The following RNF130 variants were observed in gnomAD, a reference collection of about 807,000 sequenced individuals.
RNF130 encodes the protein ring finger protein 130.
In RNF130, 21 loss-of-function variants were observed where a neutral mutation model predicts 44.6. The observed-to-expected ratio is 0.47, with a 90% CI of 0.33 to 0.68. RNF130 has a LOEUF of 0.68. RNF130 is among the 30% of genes least tolerant of loss of function. The probability of loss-of-function intolerance (pLI) is 0.02; values close to 1 mark genes in which losing one functional copy is unlikely to be tolerated. For missense variants in RNF130, 479 were observed against 560.6 expected (o/e 0.85, Z 1.47); for synonymous variants, 214 against 210.4 (o/e 1.02, Z -0.15).
intron 3 of RNF130, among the ~76,000 whole-genome samples, chr5:179,998,412 T>C (rs1449648927): frequency 6.6e-6 from 1 of 152,224 alleles, no homozygotes; most frequent in African/African-American, 2.4e-5. Flanking sequence ...CTGATTTCTA[T>C]CTTTATTTCA....
chr5:179,978,336 T>C lies in RNF130; in HGVS notation c.766-51A>G, dbSNP rs754332102. The stretch of plus-strand genomic sequence containing the variant: ...AAGTCACACGCTGCAAGTATATAAA[T>C]GGTTGGGATGCAATTCAGCTCAGAA... On this transcript the variant is annotated intron_variant, in intron 4 of 8. Transcript: ENST00000521389. The C allele has an allele frequency of 9.2e-6, 11 of 1,199,882 alleles. 1 individual carries two copies. Among genetic ancestry groups the C allele is most frequent in the South Asian group, 7.3e-5 (6 of 82,150 alleles). The allele number at this position is 1,199,882 out of a possible 1,614,324, so 74.3% of individuals were successfully genotyped here.
chr5:179,934,728 G>C (rs1761864965), intron 7 of RNF130, among the ~76,000 whole-genome samples: 1 of 151,736 alleles, frequency 6.6e-6, no homozygotes, highest in Non-Finnish European at 1.5e-5. Flanking sequence ...TATTCTTGTA[G>C]AGATTTTTCT....
chr5:179,926,621 C>A (rs1437348964), intron 7 of RNF130, among the ~76,000 whole-genome samples: 1 of 152,110 alleles, frequency 6.6e-6, no homozygotes, highest in Non-Finnish European at 1.5e-5. Context: ...GCACTCCAGC[C>A]TGGGCGACAG....
chr5:179,972,274 T>C (rs10059710), intron 5 of RNF130, among the ~76,000 whole-genome samples: 2,659 of 152,202 alleles, frequency 0.017, 75 homozygotes, highest in African/African-American at 0.059. Context: ...TTAGATCTGA[T>C]AGAAGTTACA....
intron 5 of RNF130, among the ~76,000 whole-genome samples, chr5:179,971,470 C>T (rs1364009246): frequency 1.3e-5 from 2 of 152,202 alleles, no homozygotes; most frequent in Admixed American, 1.3e-4. Context: ...CCCGGGTTCA[C>T]ACCATTCTCC....
Position 179,922,374 on chromosome 5 carries a change from G to C in RNF130, c.1151-1948C>G, listed in dbSNP as rs867296580. Among the ~76,000 whole-genome samples, 21 of 151,822 alleles carry C rather than the reference G, an allele frequency of 1.4e-4. 1 individual carries two copies. The highest frequency in any genetic ancestry group is 1.5e-5 in the Non-Finnish European group (1 of 67,996). Reference sequence around the variant, plus strand: ...GTTGCCCAGGCTGGTGTGCAATGGCGCCATCTCGGCTCACTGCAACCTCCA... The same window carrying C: ...GTTGCCCAGGCTGGTGTGCAATGGCCCCATCTCGGCTCACTGCAACCTCCA... On this transcript the variant is annotated intron_variant, in intron 7 of 7. Coordinates refer to the RNF130 transcript ENST00000522208.
intron 5 of RNF130, among the ~76,000 whole-genome samples, chr5:179,971,206 C>T (rs923313678): frequency 6.6e-6 from 1 of 152,108 alleles, no homozygotes; most frequent in Admixed American, 6.5e-5. Context: ...TTGTGCCCTC[C>T]GGAAGAGCTG....
intron 3 of RNF130, among the ~76,000 whole-genome samples, chr5:180,004,901 C>T (rs377118290): frequency 3.3e-5 from 5 of 152,298 alleles, no homozygotes; most frequent in Admixed American, 2.0e-4. Flanking sequence ...AGTCTGCACC[C>T]TCCTTCATTC....
At chr5:179,944,747 A>G (rs1161747902) in intron 7 of RNF130, among the ~76,000 whole-genome samples, 1 of 148,836 alleles carries the variant, frequency 6.7e-6, no homozygotes, top group Non-Finnish European at 1.5e-5. Flanking sequence ...ATAAAGTGAG[A>G]CCCTGTCTCA....
At chr5:180,012,466 G>A (rs925353330) in intron 3 of RNF130, among the ~76,000 whole-genome samples, 6 of 152,000 alleles carry the variant, frequency 3.9e-5, no homozygotes, top group African/African-American at 9.7e-5. Context: ...CCCTCACACC[G>A]GGGAAGCACA....
intron 3 of RNF130, among the ~76,000 whole-genome samples, chr5:179,993,766 T>C (rs1763144487): frequency 1.3e-5 from 2 of 152,240 alleles, no homozygotes; most frequent in Non-Finnish European, 2.9e-5. Context: ...TTTGTGGCCA[T>C]TGCTTTTGGT....
In RNF130 at chr5:180,022,411, A is replaced by C. The variant is rs1763894570; in HGVS notation, c.443-9100T>G. The stretch of plus-strand genomic sequence containing the variant: ...GCTGAAATTCTAAATTATGCTTCAT[A>C]AGACCCTGTGTACAGAGCTTTCCTA... On this transcript the variant is annotated intron_variant, in intron 2 of 8. Transcript: ENST00000521389. Among the ~76,000 whole-genome samples the C allele has an allele frequency of 2.6e-5, 4 of 152,364 alleles. 1 individual carries two copies. The highest frequency in any genetic ancestry group is 9.6e-5 in the African/African-American group (4 of 41,592).
At chr5:179,952,848 TA>T (rs1582137072), downstream of RNF130, among the ~76,000 whole-genome samples, 1 of 151,768 alleles carries the variant, frequency 6.6e-6, no homozygotes, top group Non-Finnish European at 1.5e-5. Flanking sequence ...CTCAACTTGA[TA>T]AAGGTATCTA....
chr5:179,952,370 G>A (rs1205102078), downstream of RNF130, among the ~76,000 whole-genome samples: 2 of 152,244 alleles, frequency 1.3e-5, no homozygotes, highest in Non-Finnish European at 1.5e-5. Context: ...TAATGAGTTG[G>A]TAATCAAAAA....
intron 1 of RNF130, among the ~76,000 whole-genome samples, chr5:180,044,649 C>T: frequency 6.6e-6 from 1 of 152,008 alleles, no homozygotes; most frequent in African/African-American, 2.4e-5. Flanking sequence ...CTGACCAACA[C>T]AGCGAAACCC....
chr5:180,056,797 C>G (rs775321560), intron 1 of RNF130, among the ~76,000 whole-genome samples: 2 of 152,154 alleles, frequency 1.3e-5, no homozygotes, highest in East Asian at 1.9e-4. Context: ...GGCCCATGGA[C>G]AGCAGAATGC....
intron 8 of RNF130, among the ~76,000 whole-genome samples, chr5:179,960,602 GCC>G (rs1269991992): frequency 6.6e-6 from 1 of 152,198 alleles, no homozygotes; most frequent in Non-Finnish European, 1.5e-5. Context: ...CTGACATCTT[GCC>G]CACAGGGTTT....
intron 3 of RNF130, among the ~76,000 whole-genome samples, chr5:180,000,532 T>C (rs1223003188): frequency 6.6e-6 from 1 of 152,228 alleles, no homozygotes; most frequent in Non-Finnish European, 1.5e-5. Context: ...TACAAATATT[T>C]GTTTGCCTAA....
chr5:180,015,488 GTAGGAA>G (rs1385290326), intron 2 of RNF130: 1 of 298,254 alleles, frequency 3.4e-6, no homozygotes, highest in Non-Finnish European at 7.5e-6. Flanking sequence ...AGGGAAAGGA[GTAGGAA>G]AGGAGTAGGG....
Sources: gnomAD v4.1 joint callset for allele counts (sites outside exome capture counted in the v4.1 genomes callset) on GRCh38, gnomAD v4.1.1 for gene constraint, MANE v1.5 for transcripts, NCBI Gene and HGNC (gene_info 2026-07-23, HGNC 2026-07-21) for gene names.